Variants in DTNA observed in about 807,000 individuals in gnomAD.
DTNA encodes the protein dystrobrevin alpha.
Under a neutral mutation model 100.7 loss-of-function variants are expected in DTNA, and 43 were observed. The observed-to-expected ratio is 0.43, with a 90% CI of 0.33 to 0.55. The LOEUF is 0.55. Among genes scored for constraint, DTNA ranks in the 20% least tolerant of loss-of-function variants. The pLI, the probability that DTNA is intolerant of heterozygous loss-of-function variation, is 0.04. For synonymous variants in DTNA, 349 were observed against 347.9 expected, an observed-to-expected ratio of 1.00 and a Z score of -0.04; for missense variants, 798 against 953.9, an observed-to-expected ratio of 0.84 and a Z score of 2.15.
Position 34,813,303 on chromosome 18 carries a change from C to T in DTNA, c.603+1190C>T, listed in dbSNP as rs74869171. Among the ~76,000 whole-genome samples, 651 of 151,730 alleles carry T rather than the reference C, an allele frequency of 4.3e-3. 4 individuals carry two copies. The highest frequency in any genetic ancestry group is 0.014 in the African/African-American group (586 of 41,382). ...GCAACATAGGGAAACCCCATTTCTA[C>T]GAAAAATTTTTAAAACATAGCCAGG... On this transcript the variant is annotated intron_variant, in intron 6 of 22. Coordinates refer to ENST00000444659, the MANE Select transcript of DTNA (RefSeq NM_001386795.1).
chr18:34,817,741 T>C (rs1047632182), intron 7 of DTNA, among the ~76,000 whole-genome samples: 2 of 152,210 alleles, frequency 1.3e-5, no homozygotes, highest in African/African-American at 2.4e-5. Context: ...TCCGTGTCTC[T>C]GATATTCGCT....
intron 8 of DTNA, among the ~76,000 whole-genome samples, chr18:34,819,364 C>G (rs571074356): frequency 6.6e-6 from 1 of 152,270 alleles, no homozygotes; most frequent in African/African-American, 2.4e-5. Context: ...CAGTTCTTCA[C>G]TAAGGAAGAG....
Position 34,870,366 on chromosome 18 carries a change from G to A in DTNA, c.1744-4873G>A, listed in dbSNP as rs936900164. Among the ~76,000 whole-genome samples the A allele has an allele frequency of 3.3e-5, 5 of 152,174 alleles. No homozygotes were observed. In the South Asian group the frequency reaches 6.2e-4, roughly 19 times the overall value. ...CTAGCAGGCCAGCAATAACCTGCTT[G>A]GGCCTCACCTTCCTGGCTTTTCCTA... On this transcript the variant is annotated intron_variant, in intron 17 of 22. Transcript: ENST00000444659.
At chr18:34,605,570 T>C (rs1185151633) in intron 1 of DTNA, among the ~76,000 whole-genome samples, 3 of 151,912 alleles carry the variant, frequency 2.0e-5, no homozygotes, top group African/African-American at 7.3e-5. Flanking sequence ...CTTAGTTAGA[T>C]ATGCATTTTC....
chr18:34,765,703 A>G (rs1161826768), intron 2 of DTNA, among the ~76,000 whole-genome samples: 1 of 152,204 alleles, frequency 6.6e-6, no homozygotes, highest in Non-Finnish European at 1.5e-5. Flanking sequence ...CAGGGATGAC[A>G]TTGTGTTTCT....
Position 34,623,797 on chromosome 18 carries a change from G to A in DTNA, c.-2+130283G>A, listed in dbSNP as rs114083372. On this transcript the variant is annotated intron_variant, in intron 1 of 19. Transcript: ENST00000283365. The stretch of plus-strand genomic sequence containing the variant: ...GAAGGCATCATGTATAGCAAGAAAT[G>A]CAGTCACACCATTGAATGAGGCATC... Among the ~76,000 whole-genome samples the A allele has an allele frequency of 8.3e-3, 1,266 of 152,306 alleles. 20 individuals are homozygous for A. The highest frequency in any genetic ancestry group is 0.028 in the African/African-American group (1,178 of 41,568).
intron 1 of DTNA, among the ~76,000 whole-genome samples, chr18:34,540,212 C>A (rs2044116818): frequency 6.6e-6 from 1 of 151,570 alleles, no homozygotes; most frequent in Non-Finnish European, 1.5e-5. Flanking sequence ...CCCTTTATTA[C>A]AAAAATAATT....
chr18:34,845,996 A>C (rs954043393), intron 13 of DTNA, among the ~76,000 whole-genome samples: 1 of 152,176 alleles, frequency 6.6e-6, no homozygotes, highest in African/African-American at 2.4e-5. Flanking sequence ...AATACTCTTG[A>C]ACAACTCTCT....
Position 34,889,560 on chromosome 18 carries a change from G to T in DTNA, c.*1826G>T. 1 of 985,400 alleles carries T rather than the reference G, an allele frequency of 1.0e-6. No individual in the cohort carries two copies. Among genetic ancestry groups the T allele is most frequent in the South Asian group, 4.7e-5 (1 of 21,280 alleles). 61.0% of individuals were successfully genotyped at this position (985,400 alleles called of 1,614,324 possible). A position where few individuals can be genotyped will look rare whatever the true frequency, so the allele number is the denominator to read the frequency against. Reference sequence around the variant, plus strand: ...CACACACCAAGTTCGTAGTTGGTAGGTGCCCAGCCAAGTCCTGACATCTTC... The same window carrying T: ...CACACACCAAGTTCGTAGTTGGTAGTTGCCCAGCCAAGTCCTGACATCTTC... On this transcript the variant is annotated 3_prime_UTR_variant, in exon 23 of 23. Transcript: ENST00000444659.
chr18:34,784,819 T>C (rs1245388309), intron 3 of DTNA, among the ~76,000 whole-genome samples: 1 of 152,238 alleles, frequency 6.6e-6, no homozygotes, highest in African/African-American at 2.4e-5. Context: ...TTATGGAATC[T>C]AGCTGCTTGT....
At chr18:34,741,985 A>G (rs1411420451) in intron 1 of DTNA, among the ~76,000 whole-genome samples, 1 of 152,186 alleles carries the variant, frequency 6.6e-6, no homozygotes, top group Non-Finnish European at 1.5e-5. Context: ...CAAAATGAGG[A>G]TAATAACACC....
At chr18:34,857,041 C>G (rs2096560979) in intron 15 of DTNA, among the ~76,000 whole-genome samples, 1 of 152,218 alleles carries the variant, frequency 6.6e-6, no homozygotes, top group African/African-American at 2.4e-5. Flanking sequence ...GAGGGCACAG[C>G]AGGGCCCAGC....
intron 1 of DTNA, among the ~76,000 whole-genome samples, chr18:34,698,499 G>A (rs527316852): frequency 6.6e-6 from 1 of 152,274 alleles, no homozygotes; most frequent in East Asian, 1.9e-4. Flanking sequence ...TCCCCCGTTT[G>A]TATGTCTCTT....
chr18:34,744,687 C>A (rs1449929800), intron 1 of DTNA, among the ~76,000 whole-genome samples: 1 of 152,100 alleles, frequency 6.6e-6, no homozygotes, highest in Non-Finnish European at 1.5e-5. Context: ...TCACAGGTCT[C>A]TTTCCTTGGC....
At chr18:34,606,093 G>A (rs1310416775) in intron 1 of DTNA, among the ~76,000 whole-genome samples, 1 of 152,160 alleles carries the variant, frequency 6.6e-6, no homozygotes, top group Non-Finnish European at 1.5e-5. Context: ...AATCAGGGAT[G>A]TTTTATAAAA....
Position 34,887,785 on chromosome 18 carries a change from A to T in DTNA, c.*51A>T. ...TCCCAGGCAAGCTATAGTCAGACAGATGATGAAAGTAACATGAAAACTGGT... is the reference window on the plus strand; with the variant it reads ...TCCCAGGCAAGCTATAGTCAGACAGTTGATGAAAGTAACATGAAAACTGGT... On this transcript the variant is annotated 3_prime_UTR_variant, in exon 23 of 23. Coordinates refer to ENST00000444659, the MANE Select transcript of DTNA (RefSeq NM_001386795.1). 2.0e-6 allele frequency: 2 copies of T among 985,726 alleles called. No individual in the cohort carries two copies. The highest frequency in any genetic ancestry group is 2.4e-6 in the Non-Finnish European group (2 of 829,958). 61.1% of individuals were successfully genotyped at this position (985,726 alleles called of 1,614,324 possible).
intron 4 of DTNA, among the ~76,000 whole-genome samples, chr18:34,795,686 AG>A (rs2094938865): frequency 1.3e-5 from 2 of 152,232 alleles, no homozygotes; most frequent in Non-Finnish European, 2.9e-5. Flanking sequence ...AACTGCAAAA[AG>A]AGAAATATAA....
At chr18:34,829,139 G>A in intron 10 of DTNA, 2 of 1,613,864 alleles carry the variant, frequency 1.2e-6, no homozygotes, top group Non-Finnish European at 8.5e-7. Context: ...GGTTCCTCCA[G>A]GGTGCATGGT....
At chr18:34,781,101 G>A (rs2094299509) in intron 3 of DTNA, among the ~76,000 whole-genome samples, 1 of 152,172 alleles carries the variant, frequency 6.6e-6, no homozygotes, top group Admixed American at 6.5e-5. Flanking sequence ...TAAAATCTGT[G>A]TGGTACCAGT....
Sources: gnomAD v4.1 joint callset for allele counts (sites outside exome capture counted in the v4.1 genomes callset) on GRCh38, gnomAD v4.1.1 for gene constraint, MANE v1.5 for transcripts, NCBI Gene and HGNC (gene_info 2026-07-23, HGNC 2026-07-21) for gene names.